PEX3: variants seen among roughly 807,000 people sequenced by gnomAD.
PEX3 encodes peroxin-3.
PEX3 carries 30 observed loss-of-function variants against 55.8 expected under a neutral mutation model. The observed-to-expected ratio is 0.54, with a 90% CI of 0.40 to 0.73. The LOEUF is 0.73. Among genes scored for constraint, PEX3 ranks in the 30% least tolerant of loss-of-function variants. PEX3 has a pLI of 0.00. For missense variants in PEX3, 351 were observed against 432.8 expected, an observed-to-expected ratio of 0.81 and a Z score of 1.68; for synonymous variants, 135 against 148.4, an observed-to-expected ratio of 0.91 and a Z score of 0.66.
At position 143,488,248 on chromosome 6, in the gene PEX3, T is replaced by G. The variant is rs1220556810; in HGVS notation, c.1039-895T>G. On this transcript the variant is annotated intron_variant, in intron 11 of 11. Coordinates refer to ENST00000367591, the MANE Select transcript of PEX3 (RefSeq NM_003630.3). The surrounding 1 kb of genome is among the most constrained non-coding windows in gnomAD (Gnocchi z 4.9). ...GGTTTACTTCCCATTTCTTTGACACTCTCAGAGGCTGTCAACCTTTTCTAT... is the reference window on the plus strand; with the variant it reads ...GGTTTACTTCCCATTTCTTTGACACGCTCAGAGGCTGTCAACCTTTTCTAT... Among the ~76,000 whole-genome samples the G allele has an allele frequency of 6.6e-6, 1 of 152,080 alleles. No homozygotes were observed. The highest frequency in any genetic ancestry group is 2.4e-5 in the African/African-American group (1 of 41,434).
At position 143,488,577 on chromosome 6, in the gene PEX3, A is replaced by G. The variant is rs1780348210; in HGVS notation, c.1039-566A>G. Among the ~76,000 whole-genome samples the G allele has an allele frequency of 6.6e-6, 1 of 152,104 alleles. No individual in the cohort carries two copies. Among genetic ancestry groups the G allele is most frequent in the East Asian group, 1.9e-4 (1 of 5,208 alleles). On this transcript the variant is annotated intron_variant, in intron 11 of 11. Coordinates refer to ENST00000367591, the MANE Select transcript of PEX3 (RefSeq NM_003630.3). The surrounding 1 kb of genome is among the most constrained non-coding windows in gnomAD (Gnocchi z 4.9). ...TTATCACAGTTTGTTGCCTACATTCATAATTGAAAGAGATACCAGATTTTG... is the reference window on the plus strand; with the variant it reads ...TTATCACAGTTTGTTGCCTACATTCGTAATTGAAAGAGATACCAGATTTTG...
chr6:143,485,270 G>A lies in PEX3; in HGVS notation c.1038+22G>A. On this transcript the variant is annotated intron_variant, in intron 11 of 11. Transcript: ENST00000367591. The surrounding 1 kb of genome is among the most constrained non-coding windows in gnomAD (Gnocchi z 5.6). ...TCAGGTAAGAAGAAAGCTTGGGAGT[G>A]TTATTAAAAGCAAATTATATTTGTG... The A allele has an allele frequency of 8.1e-7, 1 of 1,230,012 alleles. No homozygotes were observed. Among genetic ancestry groups the A allele is most frequent in the Non-Finnish European group, 1.2e-6 (1 of 829,912 alleles). The allele number at this position is 1,230,012 out of a possible 1,614,324, so 76.2% of individuals were successfully genotyped here. A position where few individuals can be genotyped will look rare whatever the true frequency, so the allele number is the denominator to read the frequency against.
intron 1 of PEX3, among the ~76,000 whole-genome samples, chr6:143,455,390 T>G (rs12173873): frequency 2.2e-5 from 2 of 89,156 alleles, no homozygotes; most frequent in South Asian, 3.7e-4. Context: ...TTTTTTTTTG[T>G]ATTTTTAGTA....
At chr6:143,474,697 C>T in intron 8 of PEX3, 89 bp from the exon 9 acceptor site, 1 of 804,334 alleles carries the variant, frequency 1.2e-6, no homozygotes, top group Non-Finnish European at 2.2e-6. Context: ...CTTAGATTTC[C>T]TAAACTCTTT....
At chr6:143,452,815 T>C (rs1779794108) in intron 1 of PEX3, among the ~76,000 whole-genome samples, 1 of 152,224 alleles carries the variant, frequency 6.6e-6, no homozygotes, top group Non-Finnish European at 1.5e-5. Context: ...ACTTAAGAAA[T>C]ACCTATCAAG....
Position 143,462,945 on chromosome 6 carries a change from G to C in PEX3, c.235G>C (p.Ala79Pro), listed in dbSNP as rs765803588. The C allele has an allele frequency of 6.2e-7, 1 of 1,613,658 alleles. No individual in the cohort carries two copies. Among genetic ancestry groups the C allele is most frequent in the Non-Finnish European group, 8.5e-7 (1 of 1,179,754 alleles). Residue 79 changes from alanine to proline, a missense_variant, in exon 3 of 12, where the codon GCC (alanine) becomes CCC (proline). Ala to Pro is a conservative substitution (Grantham distance 27). Coordinates refer to ENST00000367591, the MANE Select transcript of PEX3 (RefSeq NM_003630.3). The surrounding 1 kb of genome is among the most constrained non-coding windows in gnomAD (Gnocchi z 4.1). ...GTCCATGCTTCCAACACTGAGAGAG[G>C]CCTTAATGCAGCAACTGAATTCCGA... ...VLSMLPTLRE[A>P]LMQQLNSESL...
At chr6:143,480,361 T>C (rs1346332370) in intron 10 of PEX3, among the ~76,000 whole-genome samples, 2 of 152,244 alleles carry the variant, frequency 1.3e-5, no homozygotes, top group Non-Finnish European at 2.9e-5. Context: ...ACATAAATAC[T>C]TGATTTTGTA....
chr6:143,484,165 G>A (rs1309197726), intron 10 of PEX3, among the ~76,000 whole-genome samples: 10 of 152,096 alleles, frequency 6.6e-5, no homozygotes, highest in South Asian at 6.2e-4. Flanking sequence ...CAACCCCAAC[G>A]CAAAAATGAG....
At position 143,486,803 on chromosome 6, in the gene PEX3, G is replaced by A. The variant is rs1780328634; in HGVS notation, c.1038+1555G>A. Among the ~76,000 whole-genome samples, 3 of 152,146 alleles carry A rather than the reference G, an allele frequency of 2.0e-5. No homozygotes were observed. In the East Asian group the frequency reaches 5.8e-4, roughly 29 times the overall value. On this transcript the variant is annotated intron_variant, in intron 11 of 11. Coordinates refer to ENST00000367591, the MANE Select transcript of PEX3 (RefSeq NM_003630.3). The surrounding 1 kb of genome is among the most constrained non-coding windows in gnomAD (Gnocchi z 5.0). ...ATGGTGGGAATGCTGTAGAACAGGG[G>A]TTTGGCAAACTGTACAGGGCCAGAT...
chr6:143,470,521 C>T (rs1242286339), intron 4 of PEX3, among the ~76,000 whole-genome samples: 1 of 152,200 alleles, frequency 6.6e-6, no homozygotes, highest in Non-Finnish European at 1.5e-5. Context: ...TCTTACCAGG[C>T]TTCCCCAGTC....
At chr6:143,455,853 T>C (rs1779839137) in intron 1 of PEX3, among the ~76,000 whole-genome samples, 1 of 152,176 alleles carries the variant, frequency 6.6e-6, no homozygotes, top group South Asian at 2.1e-4. Context: ...CAGAATACTG[T>C]AGTAGGATTT....
chr6:143,452,840 A>G (rs1266212995), intron 1 of PEX3, among the ~76,000 whole-genome samples: 1 of 152,216 alleles, frequency 6.6e-6, no homozygotes, highest in Non-Finnish European at 1.5e-5. Context: ...TGTAATGCTG[A>G]AGGTAATATA....
In PEX3 at chr6:143,459,286, A is replaced by G. The variant is rs1036199280; in HGVS notation, c.205+70A>G. On this transcript the variant is annotated intron_variant, in intron 2 of 11. Coordinates refer to ENST00000367591, the MANE Select transcript of PEX3 (RefSeq NM_003630.3). This position sits in a 1 kb window ranked among gnomAD's most constrained non-coding sequence, Gnocchi z 4.2. ...TTGTATTAATTTGCATATCACCGGGATCAAATTTAGAGGAAAAGGCAAAGA... is the reference window on the plus strand; with the variant it reads ...TTGTATTAATTTGCATATCACCGGGGTCAAATTTAGAGGAAAAGGCAAAGA... 1 of 1,361,304 alleles carries G rather than the reference A, an allele frequency of 7.3e-7. No individual in the cohort carries two copies. The highest frequency in any genetic ancestry group is 1.1e-6 in the Non-Finnish European group (1 of 952,270). 84.3% of individuals were successfully genotyped at this position (1,361,304 alleles called of 1,614,324 possible).
chr6:143,473,208 T>G (rs1780098877), intron 8 of PEX3, among the ~76,000 whole-genome samples: 1 of 152,130 alleles, frequency 6.6e-6, no homozygotes, highest in South Asian at 2.1e-4. Flanking sequence ...AAGATGAACC[T>G]GTTTGGGTGC....
intron 8 of PEX3, among the ~76,000 whole-genome samples, chr6:143,472,891 C>G (rs1398664097): frequency 6.6e-6 from 1 of 152,152 alleles, no homozygotes; most frequent in Non-Finnish European, 1.5e-5. Context: ...AATGTCTAAT[C>G]CAAAAATTAT....
At chr6:143,470,052 C>A (rs998978474) in intron 4 of PEX3, among the ~76,000 whole-genome samples, 1 of 152,030 alleles carries the variant, frequency 6.6e-6, no homozygotes, top group East Asian at 1.9e-4. Flanking sequence ...TGGGTTCAAG[C>A]GATTCTCTTG....
At chr6:143,477,459 A>T (rs549620435) in intron 9 of PEX3, among the ~76,000 whole-genome samples, 1 of 152,280 alleles carries the variant, frequency 6.6e-6, no homozygotes, top group South Asian at 2.1e-4. Flanking sequence ...AGAACAAAGT[A>T]CTTTGAATAG....
intron 8 of PEX3, 32 bp downstream of exon 8, chr6:143,472,360 G>C: frequency 6.7e-7 from 1 of 1,496,544 alleles, no homozygotes; most frequent in Non-Finnish European, 9.3e-7. Flanking sequence ...AACCAAACCA[G>C]TTACTCTATT....
chr6:143,473,685 G>A (rs1262222880), intron 8 of PEX3, among the ~76,000 whole-genome samples: 1 of 151,798 alleles, frequency 6.6e-6, no homozygotes, highest in Non-Finnish European at 1.5e-5. Flanking sequence ...GCAACATAGC[G>A]AGATCCTGTC....
Sources: allele counts gnomAD v4.1 joint callset (sites outside exome capture counted in the v4.1 genomes callset), GRCh38; gene constraint gnomAD v4.1.1; non-coding constraint Gnocchi (gnomAD v3.1); transcripts MANE v1.5; gene names NCBI Gene and HGNC (gene_info 2026-07-23, HGNC 2026-07-21).